Variants in CBLB observed in about 807,000 individuals in gnomAD.
CBLB encodes E3 ubiquitin-protein ligase CBL-B.
A neutral mutation model predicts 104.9 loss-of-function variants in CBLB; 31 were observed. The ratio of observed to expected loss-of-function variants is 0.30; its 90% confidence interval spans 0.22 to 0.40. The LOEUF is 0.40. CBLB is among the 10% of genes least tolerant of loss of function. CBLB has a pLI of 1.00. For synonymous variants in CBLB, 440 were observed against 422.6 expected (o/e 1.04, Z -0.51); for missense variants, 1,062 against 1,214.6 (o/e 0.87, Z 1.87).
At position 105,777,040 on chromosome 3, in the gene CBLB, G is replaced by GC. The variant is rs142017095; in HGVS notation, c.420-499dup. Among the ~76,000 whole-genome samples, 788 of 152,256 alleles carry GC rather than the reference G, an allele frequency of 5.2e-3. 8 individuals are homozygous for GC. The highest frequency in any genetic ancestry group is 0.018 in the African/African-American group (743 of 41,548). On this transcript the variant is annotated intron_variant, in intron 3 of 18. Coordinates refer to ENST00000394030, the MANE Select transcript of CBLB (RefSeq NM_170662.5). ...AAAGGTATTTCAGGCAGTAGAAACA[G>GC]CATGTACAAAAGTACTAATACAAAA...
intron 18 of CBLB, among the ~76,000 whole-genome samples, chr3:105,659,910 C>G (rs572898012): frequency 5.9e-5 from 9 of 152,054 alleles, no homozygotes; most frequent in Admixed American, 5.9e-4. Context: ...ATACTTTATA[C>G]AGATTGCAAT....
At position 105,702,358 on chromosome 3, in the gene CBLB, G is replaced by A. The variant is rs1442745550; in HGVS notation, c.1695C>T (p.Ile565=). The change falls in exon 12 of 19, where the codon ATC becomes ATT. Residue 565 remains isoleucine, a synonymous_variant. Coordinates refer to ENST00000394030, the MANE Select transcript of CBLB (RefSeq NM_170662.5). The part of the protein sequence containing the change: ...PPPPPERPPP[I]PPDNRLSRHI... ...GTCTACTCAGTCTATTGTCTGGTGG[G>A]ATTGGTGGAGGTCTTTCAGGTGGCG... 6.2e-7 allele frequency: 1 copy of A among 1,612,184 alleles called. No individual in the cohort carries two copies. The highest frequency in any genetic ancestry group is 8.5e-7 in the Non-Finnish European group (1 of 1,179,222).
At chr3:105,794,497 G>A (rs1168713129) in intron 3 of CBLB, among the ~76,000 whole-genome samples, 1 of 152,154 alleles carries the variant, frequency 6.6e-6, no homozygotes, top group Non-Finnish European at 1.5e-5. Context: ...TGTACAGATG[G>A]AAGTCACCTC....
intron 3 of CBLB, among the ~76,000 whole-genome samples, chr3:105,837,585 C>T (rs1264442030): frequency 6.6e-6 from 1 of 152,032 alleles, no homozygotes; most frequent in East Asian, 1.9e-4. Flanking sequence ...CTTACAGGTA[C>T]TAAGTGTAGC....
At chr3:105,763,400 G>C (rs116706997) in intron 4 of CBLB, among the ~76,000 whole-genome samples, 26 of 152,276 alleles carry the variant, frequency 1.7e-4, no homozygotes, top group African/African-American at 6.0e-4. Context: ...ATCTTGAATT[G>C]TTAGCTCCCA....
intron 3 of CBLB, among the ~76,000 whole-genome samples, chr3:105,846,358 T>C (rs555551636): frequency 2.2e-3 from 341 of 152,168 alleles, no homozygotes; most frequent in African/African-American, 8.1e-3. Context: ...TATCATTACA[T>C]ATTTCATAGA....
intron 9 of CBLB, among the ~76,000 whole-genome samples, chr3:105,729,487 A>G (rs1043785858): frequency 2.0e-5 from 3 of 152,122 alleles, no homozygotes; most frequent in African/African-American, 7.2e-5. Flanking sequence ...AAGCTTGCAA[A>G]TTTAATCATA....
In CBLB at chr3:105,746,058, A is replaced by G; in HGVS notation, c.724-20T>C. On this transcript the variant is annotated intron_variant, in intron 5 of 18. Coordinates refer to ENST00000394030, the MANE Select transcript of CBLB (RefSeq NM_170662.5). Reference sequence around the variant, plus strand: ...CCAAGGCTAAAAAATAAAAAAATTAAAAGAGATTAGTATCTAGAGAATATC... The same window carrying G: ...CCAAGGCTAAAAAATAAAAAAATTAGAAGAGATTAGTATCTAGAGAATATC... The G allele has an allele frequency of 6.5e-7, 1 of 1,533,622 alleles. No homozygotes were observed. Among genetic ancestry groups the G allele is most frequent in the East Asian group, 2.3e-5 (1 of 44,326 alleles).
At chr3:105,678,700 A>T (rs974901041) in intron 16 of CBLB, 129 bp from the exon 17 acceptor site, 12 of 1,055,146 alleles carry the variant, frequency 1.1e-5, no homozygotes, top group Non-Finnish European at 1.7e-5. Context: ...TTTATCCAGC[A>T]GTTCACCAAC....
At chr3:105,717,486 T>C (rs1330558558) in intron 10 of CBLB, among the ~76,000 whole-genome samples, 2 of 152,212 alleles carry the variant, frequency 1.3e-5, no homozygotes, top group African/African-American at 2.4e-5. Flanking sequence ...ATTTTGTAGG[T>C]ACTTATATAG....
intron 13 of CBLB, among the ~76,000 whole-genome samples, chr3:105,691,340 G>A (rs750942980): frequency 2.0e-5 from 3 of 152,200 alleles, no homozygotes; most frequent in Non-Finnish European, 4.4e-5. Flanking sequence ...CACTGTTTCT[G>A]AGGGAAAAAT....
chr3:105,735,114 AAAT>A, intron 8 of CBLB, among the ~76,000 whole-genome samples: 1 of 152,236 alleles, frequency 6.6e-6, no homozygotes, highest in Non-Finnish European at 1.5e-5. Context: ...TAGGATAAAT[AAAT>A]AATAATATTT....
At chr3:105,780,653 G>GTTTTTTTTTTTTTTT (rs1245925965) in intron 3 of CBLB, among the ~76,000 whole-genome samples, 5 of 84,674 alleles carry the variant, frequency 5.9e-5, no homozygotes, top group Admixed American at 1.3e-4. Context: ...TAAAAGTTTT[G>GTTTTTTTTTTTTTTT]TTTTTTGTTT....
chr3:105,773,263 A>G (rs1473151085), intron 4 of CBLB, among the ~76,000 whole-genome samples: 1 of 152,228 alleles, frequency 6.6e-6, no homozygotes, highest in Non-Finnish European at 1.5e-5. Context: ...AGAAACCATT[A>G]TTCTAAGTGA....
At chr3:105,829,505 A>T (rs2087099408) in intron 3 of CBLB, among the ~76,000 whole-genome samples, 1 of 151,870 alleles carries the variant, frequency 6.6e-6, no homozygotes, top group African/African-American at 2.4e-5. Flanking sequence ...CAAAAAATTT[A>T]AAAATCAGCC....
Position 105,656,671 on chromosome 3 carries a change from T to C in CBLB, c.*2299A>G, listed in dbSNP as rs529721516. 7.5e-4 allele frequency: 109 copies of C among 146,018 alleles called. 1 individual carries two copies. The highest frequency in any genetic ancestry group is 4.7e-3 in the Middle Eastern group (3 of 640). The allele number at this position is 146,018 out of a possible 1,614,324, so 9.0% of individuals were successfully genotyped here. A position where few individuals can be genotyped will look rare whatever the true frequency, so the allele number is the denominator to read the frequency against. On this transcript the variant is annotated 3_prime_UTR_variant, in exon 19 of 19. Coordinates refer to ENST00000394030, the MANE Select transcript of CBLB (RefSeq NM_170662.5). ...TTTGCTATATCATCACTAGTCCTTT[T>C]TTAATTCTCACTGGAAATTTTCAAA...
intron 3 of CBLB, among the ~76,000 whole-genome samples, chr3:105,826,458 T>C (rs1273343419): frequency 6.6e-6 from 1 of 152,178 alleles, no homozygotes; most frequent in African/African-American, 2.4e-5. Flanking sequence ...CAAACTATAT[T>C]AGACTAATCA....
intron 18 of CBLB, among the ~76,000 whole-genome samples, chr3:105,659,858 A>G (rs1367314374): frequency 6.6e-6 from 1 of 152,210 alleles, no homozygotes; most frequent in Non-Finnish European, 1.5e-5. Flanking sequence ...CTCTACTGTT[A>G]GTCAACAGGC....
intron 3 of CBLB, among the ~76,000 whole-genome samples, chr3:105,796,368 G>A (rs113309916): frequency 3.3e-5 from 5 of 152,204 alleles, no homozygotes; most frequent in Non-Finnish European, 5.9e-5. Flanking sequence ...CAATAAATGG[G>A]TGCTAGGCAA....
Sources: allele counts gnomAD v4.1 joint callset (sites outside exome capture counted in the v4.1 genomes callset), GRCh38; gene constraint gnomAD v4.1.1; transcripts MANE v1.5; gene names NCBI Gene and HGNC (gene_info 2026-07-23, HGNC 2026-07-21).